Variants in GPATCH2 observed in about 807,000 individuals in gnomAD.
GPATCH2 encodes the protein G-patch domain containing 2.
A neutral mutation model predicts 58.0 loss-of-function variants in GPATCH2; 51 were observed. The ratio of observed to expected loss-of-function variants is 0.88; its 90% confidence interval spans 0.70 to 1.11. The LOEUF (loss-of-function observed/expected upper bound fraction) is 1.11. Among genes scored for constraint, GPATCH2 ranks in the 50% most tolerant of loss-of-function variants. The pLI is 0.00. For synonymous variants in GPATCH2, 222 were observed against 218.5 expected (o/e 1.02, Z -0.14); for missense variants, 625 against 652.2 (o/e 0.96, Z 0.45).
chr1:217,622,256 G>A (rs1461249684), intron 1 of GPATCH2, among the ~76,000 whole-genome samples: 4 of 152,138 alleles, frequency 2.6e-5, no homozygotes, highest in African/African-American at 9.7e-5. Flanking sequence ...CAAGGGACAG[G>A]GTGGCATAGC....
At chr1:217,548,582 T>C (rs978340372) in intron 5 of GPATCH2, among the ~76,000 whole-genome samples, 3 of 152,162 alleles carry the variant, frequency 2.0e-5, no homozygotes, top group African/African-American at 7.2e-5. Flanking sequence ...TAAAACTTTC[T>C]TTTGTCCAAA....
intron 5 of GPATCH2, among the ~76,000 whole-genome samples, chr1:217,549,104 C>A (rs1665218717): frequency 6.6e-6 from 1 of 152,146 alleles, no homozygotes; most frequent in Non-Finnish European, 1.5e-5. Flanking sequence ...CTAGCAGTAT[C>A]TAAACACATT....
chr1:217,628,516 T>C (rs1486316517), intron 1 of GPATCH2, among the ~76,000 whole-genome samples: 3 of 151,718 alleles, frequency 2.0e-5, no homozygotes, highest in African/African-American at 7.3e-5. Flanking sequence ...ACTAACAAAC[T>C]CCAAAAAACA....
At chr1:217,624,834 A>T (rs1460738874) in intron 1 of GPATCH2, among the ~76,000 whole-genome samples, 9 of 152,204 alleles carry the variant, frequency 5.9e-5, no homozygotes, top group Admixed American at 5.9e-4. Flanking sequence ...CTTCATTTGG[A>T]ACTCATTTGG....
chr1:217,562,823 G>GT (rs1468471403), intron 5 of GPATCH2, among the ~76,000 whole-genome samples: 1 of 152,160 alleles, frequency 6.6e-6, no homozygotes, highest in African/African-American at 2.4e-5. Flanking sequence ...TGCAGTTGTT[G>GT]TAAAGGTTAA....
chr1:217,479,124 A>T (rs1192802666), intron 8 of GPATCH2, among the ~76,000 whole-genome samples: 3 of 152,184 alleles, frequency 2.0e-5, no homozygotes, highest in Admixed American at 1.3e-4. Context: ...TCCTACAAGA[A>T]ATTCTAAGGG....
At chr1:217,463,939 C>T (rs978320762) in intron 8 of GPATCH2, among the ~76,000 whole-genome samples, 8 of 152,094 alleles carry the variant, frequency 5.3e-5, no homozygotes, top group African/African-American at 1.9e-4. Flanking sequence ...CACATATCAC[C>T]TAGCCTAATG....
chr1:217,451,028 T>G (rs1373925415), intron 8 of GPATCH2, among the ~76,000 whole-genome samples: 1 of 152,068 alleles, frequency 6.6e-6, no homozygotes, highest in Non-Finnish European at 1.5e-5. Flanking sequence ...ACAAAGGAAA[T>G]GAAACTTTCA....
intron 5 of GPATCH2, among the ~76,000 whole-genome samples, chr1:217,540,677 C>G (rs949618207): frequency 1.3e-5 from 2 of 152,088 alleles, no homozygotes; most frequent in African/African-American, 4.8e-5. Flanking sequence ...TCAACAAGTA[C>G]CTACTATTCA....
At chr1:217,446,809 T>C (rs900885088) in intron 9 of GPATCH2, among the ~76,000 whole-genome samples, 1 of 152,180 alleles carries the variant, frequency 6.6e-6, no homozygotes, top group Non-Finnish European at 1.5e-5. Context: ...TTTGTACCCA[T>C]ATGCCATATA....
intron 1 of GPATCH2, among the ~76,000 whole-genome samples, chr1:217,622,842 C>G (rs551233118): frequency 6.6e-6 from 1 of 152,100 alleles, no homozygotes; most frequent in Non-Finnish European, 1.5e-5. Context: ...ACGCCCAGCC[C>G]CACAAATCAG....
chr1:217,613,785 T>C (rs1668746800), intron 3 of GPATCH2, among the ~76,000 whole-genome samples: 1 of 152,164 alleles, frequency 6.6e-6, no homozygotes, highest in African/African-American at 2.4e-5. Flanking sequence ...CCTTTATGAA[T>C]GCTTAAACAG....
At chr1:217,558,171 C>T (rs1212306058) in intron 5 of GPATCH2, among the ~76,000 whole-genome samples, 2 of 152,100 alleles carry the variant, frequency 1.3e-5, no homozygotes, top group Admixed American at 1.3e-4. Flanking sequence ...AGACTGGCTG[C>T]ATAATCTTGA....
chr1:217,466,663 G>T (rs1433320932), intron 8 of GPATCH2, among the ~76,000 whole-genome samples: 2 of 152,094 alleles, frequency 1.3e-5, no homozygotes, highest in East Asian at 3.9e-4. Flanking sequence ...CAGCAGCAAG[G>T]GGCCTCAAAA....
chr1:217,534,898 T>C (rs1664389750), intron 5 of GPATCH2, among the ~76,000 whole-genome samples: 1 of 152,252 alleles, frequency 6.6e-6, no homozygotes, highest in South Asian at 2.1e-4. Context: ...AGTCATACTG[T>C]CTTGTTCAAA....
At chr1:217,584,340 AAAAAATATAT>A (rs1460355223) in intron 5 of GPATCH2, among the ~76,000 whole-genome samples, 7 of 83,504 alleles carry the variant, frequency 8.4e-5, no homozygotes, top group African/African-American at 2.6e-4. Context: ...TAAAAAAAAA[AAAAAATATAT>A]ATATATATAT....
intron 8 of GPATCH2, among the ~76,000 whole-genome samples, chr1:217,470,868 G>C (rs1411212071): frequency 6.6e-6 from 1 of 151,798 alleles, no homozygotes; most frequent in Non-Finnish European, 1.5e-5. Flanking sequence ...AACAAATATA[G>C]AAAGTATACA....
chr1:217,579,501 T>C (rs1051766595), intron 5 of GPATCH2, among the ~76,000 whole-genome samples: 7 of 152,168 alleles, frequency 4.6e-5, no homozygotes, highest in African/African-American at 1.7e-4. Flanking sequence ...GAATGAAAGA[T>C]ATATTTTAAT....
chr1:217,548,167 C>A (rs1305271736), intron 5 of GPATCH2, among the ~76,000 whole-genome samples: 1 of 151,962 alleles, frequency 6.6e-6, no homozygotes, highest in Non-Finnish European at 1.5e-5. Context: ...GAACAGAAAA[C>A]CAAATACTTC....
Sources: allele counts gnomAD v4.1 joint callset (sites outside exome capture counted in the v4.1 genomes callset), GRCh38; gene constraint gnomAD v4.1.1; transcripts MANE v1.5; gene names NCBI Gene and HGNC (gene_info 2026-07-23, HGNC 2026-07-21).